The following PPP3CA variants were observed in gnomAD, a reference collection of about 807,000 sequenced individuals.
The protein encoded by PPP3CA is CAM-PRP catalytic subunit.
Under a neutral mutation model 66.5 loss-of-function variants are expected in PPP3CA, and 14 were observed. The observed-to-expected ratio is 0.21, with a 90% confidence interval of 0.14 to 0.33. The LOEUF is 0.33. Among genes scored for constraint, PPP3CA ranks in the 10% least tolerant of loss-of-function variants. PPP3CA has a pLI of 1.00. For synonymous variants in PPP3CA, 232 were observed against 226.2 expected, an observed-to-expected ratio of 1.03 and a Z score of -0.23; for missense variants, 317 against 639.5, an observed-to-expected ratio of 0.50 and a Z score of 5.44.
rs1314152522 is a variant in PPP3CA at position 101,106,738 on chromosome 4, C to T, written c.384+2216G>A. On this transcript the variant is annotated intron_variant, in intron 3 of 13. Transcript: ENST00000394854. ...AAGAAGATATACCCTTCTCTTTCTC[C>T]CTTTCCTCCTTGTTGAATATTATGT... 2.0e-5 allele frequency among the ~76,000 whole-genome samples: 3 copies of T among 152,120 alleles called. No individual in the cohort carries two copies. The South Asian group carries it at 6.2e-4, about 31-fold the overall frequency.
At position 101,025,731 on chromosome 4, in the gene PPP3CA, A is replaced by G. The variant is rs947563544; in HGVS notation, c.*134T>C. 3.0e-6 allele frequency: 2 copies of G among 661,244 alleles called. No homozygotes were observed. Among genetic ancestry groups the G allele is most frequent in the Admixed American group, 6.7e-5 (2 of 29,732 alleles). 41.0% of individuals were successfully genotyped at this position (661,244 alleles called of 1,614,324 possible). A position where few individuals can be genotyped will look rare whatever the true frequency, so the allele number is the denominator to read the frequency against. On this transcript the variant is annotated 3_prime_UTR_variant, in exon 14 of 14. Coordinates refer to ENST00000394854, the MANE Select transcript of PPP3CA (RefSeq NM_000944.5). ...TTAATGATAGTGTAAACTGAATCCAATTCCTGGCCCCCAGAGCAAATAAGC... is the reference window on the plus strand; with the variant it reads ...TTAATGATAGTGTAAACTGAATCCAGTTCCTGGCCCCCAGAGCAAATAAGC...
At chr4:101,264,775 A>G (rs1288954980) in intron 1 of PPP3CA, among the ~76,000 whole-genome samples, 1 of 152,172 alleles carries the variant, frequency 6.6e-6, no homozygotes, top group East Asian at 1.9e-4. Flanking sequence ...TCAAATGCCT[A>G]TAGGAGCCAG....
At chr4:101,296,297 C>T (rs945952148) in intron 1 of PPP3CA, among the ~76,000 whole-genome samples, 1 of 152,000 alleles carries the variant, frequency 6.6e-6, no homozygotes, top group African/African-American at 2.4e-5. Context: ...GAAAGTTAAC[C>T]ATTTCTCAGA....
At chr4:101,076,253 C>T (rs1035915254) in intron 8 of PPP3CA, among the ~76,000 whole-genome samples, 3 of 150,814 alleles carry the variant, frequency 2.0e-5, no homozygotes, top group Non-Finnish European at 2.9e-5. Context: ...AGATAAAGAT[C>T]TGTGGGTCAA....
At position 101,198,746 on chromosome 4, in the gene PPP3CA, C is replaced by A. The variant is rs148312460; in HGVS notation, c.59-2630G>T. 6.1e-3 allele frequency among the ~76,000 whole-genome samples: 926 copies of A among 152,288 alleles called. 4 individuals are homozygous for A. The highest frequency in any genetic ancestry group is 0.01 in the Non-Finnish European group (687 of 68,006). ...TAGTCTTTCTCCAAGTCCCTAGACT[C>A]CATCCAAGGCCAAGATCACTGCAAT... On this transcript the variant is annotated intron_variant, in intron 1 of 13. Coordinates refer to ENST00000394854, the MANE Select transcript of PPP3CA (RefSeq NM_000944.5).
intron 1 of PPP3CA, among the ~76,000 whole-genome samples, chr4:101,221,673 T>C (rs976409273): frequency 6.6e-6 from 1 of 151,592 alleles, no homozygotes; most frequent in Non-Finnish European, 1.5e-5. Context: ...ACACCAGCAA[T>C]GGGCACACAG....
rs944404991 is a variant in PPP3CA at position 101,171,038 on chromosome 4, T to C, written c.259+24878A>G. The stretch of plus-strand genomic sequence containing the variant: ...TCTACAGGAATACTTAAATATTTAC[T>C]GTTTTACTTACTATCACATTTTTCC... On this transcript the variant is annotated intron_variant, in intron 2 of 13. Transcript: ENST00000394854. 14 of 326,334 alleles carry C rather than the reference T, an allele frequency of 4.3e-5. No individual in the cohort carries two copies. The Admixed American group carries it at 6.2e-4, about 14-fold the overall frequency. 20.2% of individuals were successfully genotyped at this position (326,334 alleles called of 1,614,324 possible).
chr4:101,065,874 A>G (rs1728658988), intron 8 of PPP3CA, among the ~76,000 whole-genome samples: 1 of 152,130 alleles, frequency 6.6e-6, no homozygotes, highest in Non-Finnish European at 1.5e-5. Flanking sequence ...GCAGTTGGTG[A>G]GATAAAAGTT....
At chr4:101,275,985 C>T (rs776108540) in intron 1 of PPP3CA, among the ~76,000 whole-genome samples, 12 of 151,814 alleles carry the variant, frequency 7.9e-5, no homozygotes, top group Non-Finnish European at 1.6e-4. Flanking sequence ...GCCTAGAACT[C>T]GAGATCCCAA....
intron 5 of PPP3CA, among the ~76,000 whole-genome samples, chr4:101,096,154 A>G (rs1481788756): frequency 1.3e-5 from 2 of 152,202 alleles, no homozygotes; most frequent in Non-Finnish European, 2.9e-5. Context: ...TCTTTCCAAT[A>G]GGAAAGTAAA....
intron 1 of PPP3CA, among the ~76,000 whole-genome samples, chr4:101,205,256 A>G (rs1381685917): frequency 1.3e-5 from 2 of 152,142 alleles, no homozygotes; most frequent in Non-Finnish European, 2.9e-5. Flanking sequence ...CATGATAATT[A>G]TTCCTTAGAA....
chr4:101,240,056 A>C (rs1464126583), intron 1 of PPP3CA, among the ~76,000 whole-genome samples: 1 of 126,248 alleles, frequency 7.9e-6, no homozygotes, highest in African/African-American at 3.0e-5. Context: ...AGCGGGGGGG[A>C]GGTGAGGTAG....
chr4:101,052,747 C>T (rs546761175), intron 10 of PPP3CA, among the ~76,000 whole-genome samples: 7 of 151,948 alleles, frequency 4.6e-5, no homozygotes, highest in Admixed American at 2.0e-4. Flanking sequence ...AACTGGTAAA[C>T]GGATGTCCAC....
chr4:101,089,830 T>C (rs1036010162), intron 6 of PPP3CA, among the ~76,000 whole-genome samples: 5 of 152,236 alleles, frequency 3.3e-5, no homozygotes, highest in Non-Finnish European at 5.9e-5. Flanking sequence ...ATAGATCTTA[T>C]GGATTCTTTC....
At chr4:101,188,032 T>C (rs1424404276) in intron 2 of PPP3CA, among the ~76,000 whole-genome samples, 1 of 152,122 alleles carries the variant, frequency 6.6e-6, no homozygotes, top group East Asian at 1.9e-4. Flanking sequence ...GAACTAGGTG[T>C]ATCAAATGCA....
chr4:101,170,280 A>C (rs549143053), intron 2 of PPP3CA, among the ~76,000 whole-genome samples: 200 of 148,800 alleles, frequency 1.3e-3, no homozygotes, highest in African/African-American at 4.6e-3. Context: ...GAAAAAAAAA[A>C]CTCCTCCTGA....
Position 101,025,792 on chromosome 4 carries a change from G to T in PPP3CA, c.*73C>A. On this transcript the variant is annotated 3_prime_UTR_variant, in exon 14 of 14. Transcript: ENST00000394854. ...GGCAAGAACATCCAACTGCTGATAT[G>T]CAGCAATCCCCATCATGCCCCGCAG... The T allele has an allele frequency of 1.7e-6, 2 of 1,204,028 alleles. No individual in the cohort carries two copies. Among genetic ancestry groups the T allele is most frequent in the Non-Finnish European group, 2.2e-6 (2 of 903,796 alleles). The allele number at this position is 1,204,028 out of a possible 1,614,324, so 74.6% of individuals were successfully genotyped here. A position where few individuals can be genotyped will look rare whatever the true frequency, so the allele number is the denominator to read the frequency against.
At chr4:101,106,441 GAAAGAAAGAAAGAGAAAAGAAAAGAAA>G in intron 3 of PPP3CA, among the ~76,000 whole-genome samples, 1 of 11,286 alleles carries the variant, frequency 8.9e-5, no homozygotes, top group Non-Finnish European at 1.8e-4. Flanking sequence ...AAGAAAGAAA[GAAAGAAAGAAAGAGAAAAGAAAAGAAA>G]AGAAAAGAAA....
rs556190931 is a variant in PPP3CA, at chr4:101,246,709, G to GTA, written c.59-50595_59-50594dup. 7.4e-4 allele frequency among the ~76,000 whole-genome samples: 112 copies of GTA among 151,934 alleles called. 1 individual carries two copies. Among genetic ancestry groups the GTA allele is most frequent in the African/African-American group, 2.5e-3 (102 of 41,422 alleles). On this transcript the variant is annotated intron_variant, in intron 1 of 13. Coordinates refer to ENST00000394854, the MANE Select transcript of PPP3CA (RefSeq NM_000944.5). ...ACATACACACACAGTGTGTACCTACGTATATATATCTGTGTCTGTGTATAT... is the reference window on the plus strand; with the variant it reads ...ACATACACACACAGTGTGTACCTACGTATATATATATCTGTGTCTGTGTATAT...
Sources: gnomAD v4.1 joint callset for allele counts (sites outside exome capture counted in the v4.1 genomes callset) on GRCh38, gnomAD v4.1.1 for gene constraint, MANE v1.5 for transcripts, NCBI Gene and HGNC (gene_info 2026-07-23, HGNC 2026-07-21) for gene names.